Variants in CNOT10 observed in about 807,000 individuals in gnomAD.
The protein encoded by CNOT10 is CCR4-NOT transcription complex subunit 10, also known as CCR4-NOT transcription complex, subunit 10.
Under a neutral mutation model 94.6 loss-of-function variants are expected in CNOT10, and 30 were observed. The ratio of observed to expected loss-of-function variants is 0.32; its 90% CI spans 0.24 to 0.43. The LOEUF (loss-of-function observed/expected upper bound fraction) is 0.43, where lower values mean the gene tolerates loss of function less well. CNOT10 is among the 20% of genes least tolerant of loss of function. CNOT10 has a pLI of 1.00. For missense variants in CNOT10, 759 were observed against 877.2 expected (o/e 0.87, Z 1.70); for synonymous variants, 289 against 301.6 (o/e 0.96, Z 0.43).
Position 32,734,984 on chromosome 3 carries a change from A to G in CNOT10, c.1514+8A>G, listed in dbSNP as rs754713484. 2 of 1,606,454 alleles carry G rather than the reference A, an allele frequency of 1.2e-6. No homozygotes were observed. The highest frequency in any genetic ancestry group is 2.2e-5 in the East Asian group (1 of 44,778). ...AAGCAGTGAAACTTGCAGGTATTCT[A>G]ATCCTTGTGACCTCCTTTGGCAAAA... On this transcript the variant is annotated splice_region_variant and intron_variant, in intron 12 of 18. Coordinates refer to ENST00000328834, the MANE Select transcript of CNOT10 (RefSeq NM_015442.3).
chr3:32,722,140 G>T (rs1698448046), intron 8 of CNOT10, among the ~76,000 whole-genome samples: 1 of 152,146 alleles, frequency 6.6e-6, no homozygotes. Context: ...TTTGCCTCAA[G>T]TTTAAAATGC....
At chr3:32,748,857 G>C (rs911108369) in intron 13 of CNOT10, among the ~76,000 whole-genome samples, 1 of 151,334 alleles carries the variant, frequency 6.6e-6, no homozygotes, top group African/African-American at 2.4e-5. Flanking sequence ...TTGAGAGGGA[G>C]TCTTGCTCTG....
intron 17 of CNOT10, 58 bp from the exon 18 acceptor site, chr3:32,769,829 T>C (rs1700817950): frequency 7.5e-7 from 1 of 1,336,970 alleles, no homozygotes; most frequent in Non-Finnish European, 1.1e-6. Flanking sequence ...CAGATGTACT[T>C]GGAGTGTGTA....
intron 8 of CNOT10, among the ~76,000 whole-genome samples, chr3:32,721,748 G>A (rs1234887530): frequency 4.7e-5 from 7 of 150,328 alleles, no homozygotes; most frequent in African/African-American, 7.3e-5. Context: ...CTGGGTTCGC[G>A]ACATTCTCCT....
chr3:32,728,185 G>A (rs1183912439), intron 10 of CNOT10, among the ~76,000 whole-genome samples: 3 of 151,834 alleles, frequency 2.0e-5, no homozygotes, highest in South Asian at 2.1e-4. Flanking sequence ...TAGTAGAGAC[G>A]AGGTTTCACC....
chr3:32,735,924 G>A (rs1699166980), intron 12 of CNOT10, among the ~76,000 whole-genome samples: 1 of 152,050 alleles, frequency 6.6e-6, no homozygotes, highest in Non-Finnish European at 1.5e-5. Context: ...AGCATAGCAA[G>A]ACCCCATCTC....
chr3:32,704,069 A>G (rs561414373), intron 2 of CNOT10, 107 bp downstream of exon 2: 70 of 629,906 alleles, frequency 1.1e-4, no homozygotes, highest in African/African-American at 1.0e-3. Context: ...TAATAATTCA[A>G]AAGTTAATTT....
At chr3:32,733,896 C>T (rs1362513278) in intron 11 of CNOT10, among the ~76,000 whole-genome samples, 1 of 151,868 alleles carries the variant, frequency 6.6e-6, no homozygotes, top group Non-Finnish European at 1.5e-5. Context: ...TCTTATAGTC[C>T]CTAGGACTGA....
At chr3:32,772,535 A>G (rs1185106585) in intron 18 of CNOT10, among the ~76,000 whole-genome samples, 1 of 151,918 alleles carries the variant, frequency 6.6e-6, no homozygotes, top group Non-Finnish European at 1.5e-5. Context: ...TTTAAAAAAT[A>G]AAAAATTTTA....
chr3:32,708,829 T>C lies in CNOT10; in HGVS notation c.430+9T>C, dbSNP rs1236458963. 5 of 1,595,342 alleles carry C rather than the reference T, an allele frequency of 3.1e-6. No individual in the cohort carries two copies. Among genetic ancestry groups the C allele is most frequent in the African/African-American group, 1.4e-5 (1 of 73,620 alleles). ...GTTCATAGAGCCTTTTGGTATGTTA[T>C]CTGTCAAGTCAAAAATTTCCCTATC... On this transcript the variant is annotated intron_variant, in intron 4 of 18. Transcript: ENST00000328834.
chr3:32,724,013 G>T (rs908695755), intron 8 of CNOT10, among the ~76,000 whole-genome samples: 1 of 152,082 alleles, frequency 6.6e-6, no homozygotes, highest in African/African-American at 2.4e-5. Context: ...CCAGGAGGTC[G>T]ATGCTGCAGT....
intron 13 of CNOT10, chr3:32,753,919 C>CACAT: frequency 1.1e-6 from 1 of 877,242 alleles, no homozygotes; most frequent in Non-Finnish European, 1.7e-6. Flanking sequence ...AATTTGCTCT[C>CACAT]ACACACACAC....
intron 10 of CNOT10, among the ~76,000 whole-genome samples, chr3:32,731,479 T>G (rs1462803606): frequency 1.3e-5 from 2 of 152,114 alleles, no homozygotes; most frequent in African/African-American, 4.8e-5. Flanking sequence ...ACTTGTTTTA[T>G]TTTATTTTAT....
At chr3:32,708,620 CT>C in intron 3 of CNOT10, 49 bp from the exon 4 acceptor site, 2 of 1,513,050 alleles carry the variant, frequency 1.3e-6, no homozygotes, top group Non-Finnish European at 8.9e-7. Flanking sequence ...TTCACTTTTG[CT>C]TTTTATTTCC....
At chr3:32,767,247 A>C (rs971116225) in intron 17 of CNOT10, among the ~76,000 whole-genome samples, 1 of 152,146 alleles carries the variant, frequency 6.6e-6, no homozygotes, top group Non-Finnish European at 1.5e-5. Context: ...AGCCGGGCGC[A>C]GTGGCTCACA....
intron 13 of CNOT10, among the ~76,000 whole-genome samples, chr3:32,754,766 C>T (rs1700147932): frequency 6.7e-6 from 1 of 149,710 alleles, no homozygotes; most frequent in Admixed American, 6.7e-5. Flanking sequence ...AGGTGATCAG[C>T]CTGCCTCGGC....
At position 32,773,558 on chromosome 3, in the gene CNOT10, C is replaced by T. The variant is rs1325194227; in HGVS notation, c.2182C>T (p.His728Tyr). 3.1e-6 allele frequency: 5 copies of T among 1,614,032 alleles called. No individual in the cohort carries two copies. The highest frequency in any genetic ancestry group is 4.2e-6 in the Non-Finnish European group (5 of 1,180,018). Residue 728 changes from histidine (H) to tyrosine (Y), a missense_variant, in exon 19 of 19, where the codon CAC (histidine) becomes TAC (tyrosine). Around this residue, in one of 3 missense-constraint regions of CNOT10, gnomAD observed 73 missense variants for 61.0 expected, o/e 1.20. Transcript: ENST00000328834. ...VRKKPVFQPV[H>Y]PIQPIQMPAF... is the part of the protein sequence containing the mutation. ...AAAGAAGCCAGTGTTTCAGCCTGTC[C>T]ACCCGATCCAGCCCATCCAAATGCC...
At position 32,757,170 on chromosome 3, in the gene CNOT10, A is replaced by ATTTTTTTTTTTTTT. The variant is rs1173513009; in HGVS notation, c.1596-2275_1596-2262dup. Among the ~76,000 whole-genome samples, 16 of 78,294 alleles carry ATTTTTTTTTTTTTT rather than the reference A, an allele frequency of 2.0e-4. 4 individuals are homozygous for ATTTTTTTTTTTTTT. The highest frequency in any genetic ancestry group is 7.8e-4 in the African/African-American group (14 of 18,018). The allele number at this position is 78,294 out of a possible 152,430, so 51.4% of individuals were successfully genotyped here. A position where few individuals can be genotyped will look rare whatever the true frequency, so the allele number is the denominator to read the frequency against. ...TGTCATTCACATAGGCCCTGAACTA[A>ATTTTTTTTTTTTTT]TTTTTTTTTTTTTTTTTTTTTTTTT... On this transcript the variant is annotated intron_variant, in intron 13 of 18. Coordinates refer to ENST00000328834, the MANE Select transcript of CNOT10 (RefSeq NM_015442.3).
At chr3:32,710,731 T>G (rs2125528858) in intron 4 of CNOT10, among the ~76,000 whole-genome samples, 1 of 152,200 alleles carries the variant, frequency 6.6e-6, no homozygotes, top group Non-Finnish European at 1.5e-5. Flanking sequence ...TCTTCTTTTT[T>G]TCTTTTTGAG....
Sources: gnomAD v4.1 joint callset for allele counts (sites outside exome capture counted in the v4.1 genomes callset) on GRCh38, gnomAD v4.1.1 for gene constraint, gnomAD v4.1.1 regional missense constraint, MANE v1.5 for transcripts, NCBI Gene and HGNC (gene_info 2026-07-23, HGNC 2026-07-21) for gene names.